The following PFKFB1 variants were observed in gnomAD, a reference collection of about 807,000 sequenced individuals.
PFKFB1 encodes 6-phosphofructo-2-kinase/fructose-2,6-biphosphatase 1.
PFKFB1 carries 34 observed loss-of-function variants against 46.4 expected under a neutral mutation model. The observed-to-expected ratio is 0.73, with a 90% CI of 0.56 to 0.98. The LOEUF (loss-of-function observed/expected upper bound fraction) is 0.98. PFKFB1 is among the 50% of genes least tolerant of loss of function. The pLI is 0.00. For missense variants in PFKFB1, 393 were observed against 376.3 expected (o/e 1.04, Z -0.37); for synonymous variants, 119 against 133.8 (o/e 0.89, Z 0.76).
rs1167114695 is a variant in PFKFB1, at chrX:54,956,261, C to T, written c.530G>A (p.Gly177Asp). 8.3e-7 allele frequency: 1 copy of T among 1,209,220 alleles called. No homozygotes were observed. The highest frequency in any genetic ancestry group is 1.1e-6 in the Non-Finnish European group (1 of 894,634). Reference protein sequence around the residue: ...IAENIRQVKLGSPDYIDCDRE... With the variant: ...IAENIRQVKLDSPDYIDCDRE... ...GTCACAGTCTATATAATCAGGGCTG[C>T]CAAGTTTCACTTGCTGGGAGCAGGG... is the stretch of plus-strand genomic sequence containing the variant. The change falls in exon 7 of 14, where the codon GGC becomes GAC. Residue 177 changes from glycine (G) to aspartate (D), a missense_variant. Transcript: ENST00000375006.
chrX:54,935,200 G>A (rs1293238405), intron 11 of PFKFB1, among the ~76,000 whole-genome samples, 191 bp from the exon 12 acceptor site: 1 of 112,322 alleles, frequency 8.9e-6, no homozygotes, highest in African/African-American at 3.2e-5. Flanking sequence ...GGAGAGCAGG[G>A]AGGCAGGAAT....
At chrX:54,962,379 C>T (rs1934340105) in intron 2 of PFKFB1, among the ~76,000 whole-genome samples, 1 of 111,977 alleles carries the variant, frequency 8.9e-6, no homozygotes, top group Non-Finnish European at 1.9e-5. Flanking sequence ...ATACAGCGCC[C>T]TGCTCCTGCT....
rs59214352 is a variant in PFKFB1 at position 54,991,539 on chromosome X, C to CTGTG, written c.97+2368_97+2371dup. Among the ~76,000 whole-genome samples, 518 of 61,908 alleles carry CTGTG rather than the reference C, an allele frequency of 8.4e-3. 2 individuals are homozygous for CTGTG. Among genetic ancestry groups the CTGTG allele is most frequent in the Non-Finnish European group, 0.014 (371 of 27,441 alleles). 53.8% of individuals were successfully genotyped at this position (61,908 alleles called of 115,157 possible). On this transcript the variant is annotated intron_variant, in intron 1 of 13. Coordinates refer to ENST00000375006, the MANE Select transcript of PFKFB1 (RefSeq NM_002625.4). ...TCTCTCTCTCTCCCTCTCTCTCTCT[C>CTGTG]TGTGTGTGTGTGTGTGTGTGTGTGT...
chrX:54,970,526 C>A (rs1207568326), intron 1 of PFKFB1, among the ~76,000 whole-genome samples: 1 of 67,597 alleles, frequency 1.5e-5, no homozygotes, highest in Non-Finnish European at 2.7e-5. Flanking sequence ...GTGATGTTCC[C>A]CTTCCTGTGT....
At chrX:54,943,960 C>A (rs1324690483) in intron 10 of PFKFB1, among the ~76,000 whole-genome samples, 1 of 110,352 alleles carries the variant, frequency 9.1e-6, no homozygotes, top group Non-Finnish European at 1.9e-5. Flanking sequence ...GGGTTAAGAC[C>A]AAGTTTGACC....
intron 3 of PFKFB1, 135 bp from the exon 4 acceptor site, chrX:54,960,028 G>A (rs765113286): frequency 1.9e-5 from 10 of 518,672 alleles, no homozygotes; most frequent in Non-Finnish European, 2.7e-5. Flanking sequence ...TCTACACAGG[G>A]TGCCCTACGC....
At chrX:54,949,032 C>G (rs950567408) in intron 9 of PFKFB1, 43 bp downstream of exon 9, 11 of 1,191,645 alleles carry the variant, frequency 9.2e-6, no homozygotes, top group Non-Finnish European at 1.0e-5. Flanking sequence ...ATCCCAGACT[C>G]AAGTCACCCC....
Position 54,958,346 on chromosome X carries a change from G to A in PFKFB1, c.476C>T (p.Ser159Phe), listed in dbSNP as rs778168151. Residue 159 changes from serine (S) to phenylalanine (F), a missense_variant, in exon 6 of 14, where the codon TCC becomes TTC. Ser to Phe is a radical substitution (Grantham distance 155, BLOSUM62 -2). Coordinates refer to ENST00000375006, the MANE Select transcript of PFKFB1 (RefSeq NM_002625.4). ...AATTATGCCAGGGTCATTACAAATG[G>A]ACTCAATGAAAAACACCTATAAAAG... Reference protein sequence around the residue: ...EHGYKVFFIESICNDPGIIAE... With the variant: ...EHGYKVFFIEFICNDPGIIAE... 8.5e-7 allele frequency: 1 copy of A among 1,173,666 alleles called. No homozygotes were observed. The highest frequency in any genetic ancestry group is 1.8e-5 in the South Asian group (1 of 55,371).
Position 54,939,819 on chromosome X carries a change from G to A in PFKFB1, c.1099-2095C>T, listed in dbSNP as rs181548410. Among the ~76,000 whole-genome samples, 990 of 111,910 alleles carry A rather than the reference G, an allele frequency of 8.8e-3. 11 individuals are homozygous for A. The highest frequency in any genetic ancestry group is 0.029 in the African/African-American group (903 of 30,744). On this transcript the variant is annotated intron_variant, in intron 10 of 13. Transcript: ENST00000375006. ...AGCCGAATTCTACCAGATGTACAAG[G>A]AGGAACTGGTACCATTCCGTCTGAA...
chrX:54,993,742 A>G (rs1935302614), intron 1 of PFKFB1, among the ~76,000 whole-genome samples, 169 bp downstream of exon 1: 2 of 111,440 alleles, frequency 1.8e-5, no homozygotes, highest in Non-Finnish European at 3.8e-5. Flanking sequence ...CTTCTCTCTC[A>G]TTCTTTTCCT....
At chrX:54,956,933 T>C (rs1262680786) in intron 6 of PFKFB1, among the ~76,000 whole-genome samples, 1 of 112,175 alleles carries the variant, frequency 8.9e-6, no homozygotes, top group Non-Finnish European at 1.9e-5. Context: ...ATATTCTTTT[T>C]AGTTCTAATG....
chrX:54,963,849 G>A (rs940805878), intron 1 of PFKFB1, among the ~76,000 whole-genome samples: 1 of 112,105 alleles, frequency 8.9e-6, no homozygotes, highest in Non-Finnish European at 1.9e-5. Context: ...AGTTCTGCTC[G>A]GGCAGAACAG....
chrX:54,941,690 G>C (rs1933639837), intron 10 of PFKFB1, among the ~76,000 whole-genome samples: 1 of 112,028 alleles, frequency 8.9e-6, no homozygotes, highest in South Asian at 3.7e-4. Context: ...AAACCACAAT[G>C]AGATACCATC....
intron 1 of PFKFB1, among the ~76,000 whole-genome samples, chrX:54,987,721 C>CA (rs1383342713): frequency 1.8e-5 from 2 of 110,241 alleles, no homozygotes; most frequent in East Asian, 5.7e-4. Flanking sequence ...GAATTAAGGA[C>CA]AAAAAAACCA....
chrX:54,970,359 T>A (rs965965289), intron 1 of PFKFB1, among the ~76,000 whole-genome samples: 2 of 110,155 alleles, frequency 1.8e-5, no homozygotes, highest in South Asian at 8.0e-4. Flanking sequence ...TATTATACTT[T>A]AAGTTTTAGG....
At chrX:54,985,792 A>T (rs1251158424) in intron 1 of PFKFB1, among the ~76,000 whole-genome samples, 1 of 109,875 alleles carries the variant, frequency 9.1e-6, no homozygotes, top group Non-Finnish European at 1.9e-5. Context: ...TATGAGTAAA[A>T]TTTTTATATC....
At chrX:54,984,979 G>A (rs981990935) in intron 1 of PFKFB1, among the ~76,000 whole-genome samples, 1 of 110,686 alleles carries the variant, frequency 9.0e-6, no homozygotes, top group Non-Finnish European at 1.9e-5. Flanking sequence ...CTGCTGTCTC[G>A]CCCAGCACCC....
intron 1 of PFKFB1, among the ~76,000 whole-genome samples, chrX:54,965,310 C>T (rs1043143748): frequency 9.0e-6 from 1 of 111,107 alleles, no homozygotes; most frequent in African/African-American, 3.3e-5. Context: ...AGGAAGAAGG[C>T]GGTAGGTGGG....
chrX:54,943,395 C>A (rs967492703), intron 10 of PFKFB1, among the ~76,000 whole-genome samples: 35 of 111,559 alleles, frequency 3.1e-4, no homozygotes, highest in Non-Finnish European at 5.5e-4. Context: ...TTGAGGACCC[C>A]CTCCTACCAA....
Sources: allele counts gnomAD v4.1 joint callset (sites outside exome capture counted in the v4.1 genomes callset), GRCh38; gene constraint gnomAD v4.1.1; transcripts MANE v1.5; gene names NCBI Gene and HGNC (gene_info 2026-07-23, HGNC 2026-07-21).